The following PLCL1 variants were observed in gnomAD, a reference collection of about 807,000 sequenced individuals.
PLCL1 encodes inactive phospholipase C-like protein 1.
Under a neutral mutation model 84.4 loss-of-function variants are expected in PLCL1, and 41 were observed. That is an observed-to-expected ratio of 0.49 (90% CI 0.38 to 0.63). The LOEUF (loss-of-function observed/expected upper bound fraction) is 0.63, where lower values mean the gene tolerates loss of function less well. Among genes scored for constraint, PLCL1 ranks in the 30% least tolerant of loss-of-function variants. The pLI is 0.00. For missense variants in PLCL1, 1,206 were observed against 1,367.8 expected (o/e 0.88, Z 1.87); for synonymous variants, 490 against 488.3 (o/e 1.00, Z -0.05).
intron 5 of PLCL1, among the ~76,000 whole-genome samples, chr2:198,127,290 A>G (rs1253250840): frequency 1.3e-5 from 2 of 152,194 alleles, no homozygotes; most frequent in East Asian, 3.9e-4. Flanking sequence ...ATGTTGTCTT[A>G]TAATACCAAC....
At chr2:198,041,276 T>TTA (rs1390728442) in intron 1 of PLCL1, among the ~76,000 whole-genome samples, 3 of 152,216 alleles carry the variant, frequency 2.0e-5, no homozygotes, top group Non-Finnish European at 4.4e-5. Flanking sequence ...CAGAAGTGGA[T>TTA]TATATTTTGC....
intron 1 of PLCL1, among the ~76,000 whole-genome samples, chr2:198,078,370 T>C (rs1253829166): frequency 6.6e-6 from 1 of 152,160 alleles, no homozygotes; most frequent in African/African-American, 2.4e-5. Context: ...ATCAACCAAA[T>C]TTTTGTTTCT....
intron 1 of PLCL1, among the ~76,000 whole-genome samples, chr2:197,916,624 C>G (rs556674401): frequency 6.6e-6 from 1 of 151,682 alleles, no homozygotes; most frequent in East Asian, 1.9e-4. Context: ...GTTTAGAGAC[C>G]AGGACAGAGT....
chr2:197,859,440 ATTTTC>A (rs1687389792), intron 1 of PLCL1, among the ~76,000 whole-genome samples: 2 of 152,072 alleles, frequency 1.3e-5, no homozygotes, highest in Non-Finnish European at 2.9e-5. Context: ...ATTTTACTGT[ATTTTC>A]TTTTAAAAAG....
chr2:197,918,041 A>G (rs1015365449), intron 1 of PLCL1, among the ~76,000 whole-genome samples: 6 of 152,238 alleles, frequency 3.9e-5, no homozygotes, highest in Non-Finnish European at 8.8e-5. Flanking sequence ...GAGAAACCCA[A>G]CAAAAACTAG....
chr2:197,884,126 T>C lies in PLCL1; in HGVS notation c.240+78787T>C, dbSNP rs192987782. On this transcript the variant is annotated intron_variant, in intron 1 of 5. Coordinates refer to ENST00000428675, the MANE Select transcript of PLCL1 (RefSeq NM_006226.4). ...TTTGTGTCAGGACTCAAAATAACTGTAAACACACAGTAATTTATTCCACTT... is the reference window on the plus strand; with the variant it reads ...TTTGTGTCAGGACTCAAAATAACTGCAAACACACAGTAATTTATTCCACTT... 1.2e-3 allele frequency among the ~76,000 whole-genome samples: 182 copies of C among 152,336 alleles called. 3 individuals are homozygous for C. The highest frequency in any genetic ancestry group is 4.1e-3 in the African/African-American group (171 of 41,582).
intron 1 of PLCL1, among the ~76,000 whole-genome samples, chr2:198,001,089 T>A (rs929703286): frequency 6.6e-6 from 1 of 152,194 alleles, no homozygotes; most frequent in Non-Finnish European, 1.5e-5. Context: ...AATAATAGCC[T>A]CCTCATGGGG....
At chr2:197,864,507 A>C (rs1449276091) in intron 1 of PLCL1, among the ~76,000 whole-genome samples, 1 of 146,374 alleles carries the variant, frequency 6.8e-6, no homozygotes, top group Non-Finnish European at 1.5e-5. Flanking sequence ...TTAACACAGG[A>C]TCTCACTTTG....
intron 1 of PLCL1, among the ~76,000 whole-genome samples, chr2:198,022,930 G>C (rs906631748): frequency 6.6e-6 from 1 of 151,946 alleles, no homozygotes; most frequent in African/African-American, 2.4e-5. Context: ...AAAAGGAGCC[G>C]GTATAGCCAA....
At chr2:197,896,865 T>A (rs934744081) in intron 1 of PLCL1, among the ~76,000 whole-genome samples, 11 of 149,416 alleles carry the variant, frequency 7.4e-5, no homozygotes, top group African/African-American at 2.2e-4. Flanking sequence ...CTAAGAATGG[T>A]TCCATGTGGC....
chr2:197,930,607 A>G (rs918960787), intron 1 of PLCL1, among the ~76,000 whole-genome samples: 3 of 152,112 alleles, frequency 2.0e-5, no homozygotes, highest in Admixed American at 6.6e-5. Context: ...TATGTTTTGG[A>G]AAAATAATGT....
chr2:198,148,195 G>T lies in PLCL1; in HGVS notation c.*1233G>T, dbSNP rs1003565417. 1 of 152,274 alleles carries T rather than the reference G, an allele frequency of 6.6e-6. No individual in the cohort carries two copies. Among genetic ancestry groups the T allele is most frequent in the African/African-American group, 2.4e-5 (1 of 41,436 alleles). The allele number at this position is 152,274 out of a possible 1,614,324, so 9.4% of individuals were successfully genotyped here. ...AACTAAATGTTCTATGGTTATGAAA[G>T]AATATATTTATTTAAAGCATTGCTT... On this transcript the variant is annotated 3_prime_UTR_variant, in exon 6 of 6. Coordinates refer to ENST00000428675, the MANE Select transcript of PLCL1 (RefSeq NM_006226.4).
intron 1 of PLCL1, among the ~76,000 whole-genome samples, chr2:197,828,757 C>T (rs1690987244): frequency 6.6e-6 from 1 of 152,006 alleles, no homozygotes; most frequent in African/African-American, 2.4e-5. Flanking sequence ...AAAGCAAATA[C>T]TAAAAGCTGT....
chr2:198,126,678 G>A (rs898846032), intron 5 of PLCL1, among the ~76,000 whole-genome samples: 1 of 152,124 alleles, frequency 6.6e-6, no homozygotes, highest in South Asian at 2.1e-4. Flanking sequence ...GTTGAAGTGG[G>A]CAGATCCCTT....
At chr2:198,104,030 T>C in intron 5 of PLCL1, 94 bp downstream of exon 5, 1 of 577,254 alleles carries the variant, frequency 1.7e-6, no homozygotes, top group Non-Finnish European at 2.9e-6. Context: ...AATATGATGG[T>C]TTGGATTTTT....
chr2:197,934,432 G>C (rs930577946), intron 1 of PLCL1, among the ~76,000 whole-genome samples: 2 of 152,180 alleles, frequency 1.3e-5, no homozygotes, highest in African/African-American at 4.8e-5. Context: ...TTGACTTTGT[G>C]AAGTCGGCAT....
rs1009312841 is a variant in PLCL1 at position 198,083,843 on chromosome 2, A to G, written c.326A>G (p.Asn109Ser). ...MPSEKKISSA[N>S]DCISFMQAGC... ...TCGGAAAAGAAAATTAGCAGTGCAA[A>G]TGACTGCATCAGCTTCATGCAAGCT... Residue 109 changes from asparagine to serine, a missense_variant, in exon 2 of 6, where the codon AAT (asparagine) becomes AGT (serine). Physicochemically the swap from Asn to Ser is conservative, Grantham distance 46. Coordinates refer to ENST00000428675, the MANE Select transcript of PLCL1 (RefSeq NM_006226.4). The G allele has an allele frequency of 3.7e-6, 6 of 1,613,824 alleles. No individual in the cohort carries two copies. The highest frequency in any genetic ancestry group is 5.1e-6 in the Non-Finnish European group (6 of 1,179,806).
At chr2:197,923,003 C>A (rs1251256360) in intron 1 of PLCL1, among the ~76,000 whole-genome samples, 8 of 102,460 alleles carry the variant, frequency 7.8e-5, no homozygotes, top group Middle Eastern at 6.9e-3. Flanking sequence ...GGCAGAGGGG[C>A]TCCTCACTTC....
intron 1 of PLCL1, among the ~76,000 whole-genome samples, chr2:197,974,565 C>T (rs1689929808): frequency 6.6e-6 from 1 of 152,210 alleles, no homozygotes; most frequent in Admixed American, 6.5e-5. Context: ...GGCTCATTCA[C>T]TGAATAAACA....
Sources: gnomAD v4.1 joint callset for allele counts (sites outside exome capture counted in the v4.1 genomes callset) on GRCh38, gnomAD v4.1.1 for gene constraint, MANE v1.5 for transcripts, NCBI Gene and HGNC (gene_info 2026-07-23, HGNC 2026-07-21) for gene names.